Variants in EHMT1 observed in about 807,000 individuals in gnomAD.
EHMT1 encodes euchromatic histone lysine methyltransferase 1, also known as histone-lysine N-methyltransferase EHMT1.
EHMT1 carries 15 observed loss-of-function variants against 147.2 expected under a neutral mutation model. That is an observed-to-expected ratio of 0.10 (90% CI 0.07 to 0.16). The LOEUF (loss-of-function observed/expected upper bound fraction) is 0.16, where lower values mean the gene tolerates loss of function less well. Ranked by LOEUF, EHMT1 falls within the 10% of genes least tolerant of loss-of-function variation. The pLI is 1.00. For missense variants in EHMT1, 1,587 were observed against 1,772.4 expected, an observed-to-expected ratio of 0.90 and a Z score of 1.88; for synonymous variants, 795 against 709.6, an observed-to-expected ratio of 1.12 and a Z score of -1.91.
At chr9:137,673,892 A>G (rs184192460) in intron 1 of EHMT1, among the ~76,000 whole-genome samples, 2 of 152,328 alleles carry the variant, frequency 1.3e-5, no homozygotes, top group Admixed American at 6.5e-5. Context: ...AGCCAATACT[A>G]GCAGGACCTG....
Position 137,717,192 on chromosome 9 carries a change from T to G in EHMT1, c.642+10T>G. 1 of 1,610,994 alleles carries G rather than the reference T, an allele frequency of 6.2e-7. No individual in the cohort carries two copies. The highest frequency in any genetic ancestry group is 1.1e-5 in the South Asian group (1 of 91,066). On this transcript the variant is annotated intron_variant, in intron 3 of 26. Transcript: ENST00000460843. Reference sequence around the variant, plus strand: ...GTCCGTCGTGGGCCTGGTAATTTTGTGTCTTCTCTTGCTGTTTCCTTTTTC... The same window carrying G: ...GTCCGTCGTGGGCCTGGTAATTTTGGGTCTTCTCTTGCTGTTTCCTTTTTC...
chr9:137,786,915 G>C lies in EHMT1; in HGVS notation c.2383-3933G>C, dbSNP rs1039123524. ...AGGCTGGGGAGTGGCTCCGAGGATC[G>C]GTCACGGAGCCTCCTGGGTGTCCGA... On this transcript the variant is annotated intron_variant, in intron 15 of 26. Transcript: ENST00000460843. This position sits in a 1 kb window ranked among gnomAD's most constrained non-coding sequence, Gnocchi z 4.3. 6.6e-6 allele frequency: 1 copy of C among 152,326 alleles called. No homozygotes were observed. The highest frequency in any genetic ancestry group is 1.5e-5 in the Non-Finnish European group (1 of 68,168). The allele number at this position is 152,326 out of a possible 1,614,324, so 9.4% of individuals were successfully genotyped here.
intron 4 of EHMT1, among the ~76,000 whole-genome samples, chr9:137,729,360 G>A (rs1483766859): frequency 2.0e-5 from 3 of 152,162 alleles, no homozygotes; most frequent in African/African-American, 7.2e-5. Context: ...AGGCCAAGGC[G>A]GGTGGATCAC....
intron 18 of EHMT1, among the ~76,000 whole-genome samples, chr9:137,804,864 C>A (rs1192543892): frequency 6.6e-6 from 1 of 152,176 alleles, no homozygotes; most frequent in African/African-American, 2.4e-5. Context: ...GTACCATTGC[C>A]AAAAGCCAGT....
At chr9:137,664,416 C>T (rs1939413179) in intron 1 of EHMT1, among the ~76,000 whole-genome samples, 1 of 151,776 alleles carries the variant, frequency 6.6e-6, no homozygotes, top group South Asian at 2.1e-4. Context: ...CCCTCCACCA[C>T]ACTCGGCTAA....
rs187501332 is a variant in EHMT1 at position 137,634,610 on chromosome 9, C to G, written c.21+15561C>G. On this transcript the variant is annotated intron_variant, in intron 1 of 26. Coordinates refer to ENST00000460843, the MANE Select transcript of EHMT1 (RefSeq NM_024757.5). ...TGATTGGGTCCCTTGCATTTTCTTT[C>G]ATTTCTTTTCTTTTCTTTTCTTTTC... Among the ~76,000 whole-genome samples, 6 of 149,744 alleles carry G rather than the reference C, an allele frequency of 4.0e-5. No individual in the cohort carries two copies. The East Asian group carries it at 1.2e-3, about 29-fold the overall frequency.
intron 9 of EHMT1, among the ~76,000 whole-genome samples, chr9:137,758,825 A>G (rs1949577014): frequency 6.6e-6 from 1 of 152,134 alleles, no homozygotes; most frequent in Admixed American, 6.5e-5. Context: ...TTAGCTTAAG[A>G]TAGAAATCTT....
chr9:137,687,538 T>G (rs932498808), intron 1 of EHMT1, among the ~76,000 whole-genome samples: 3 of 152,062 alleles, frequency 2.0e-5, no homozygotes, highest in African/African-American at 4.8e-5. Flanking sequence ...GCCTGAGTGT[T>G]TGTGTTCCCC....
intron 4 of EHMT1, among the ~76,000 whole-genome samples, chr9:137,729,856 C>T (rs564248881): frequency 1.4e-4 from 21 of 152,288 alleles, no homozygotes; most frequent in Admixed American, 2.6e-4. Context: ...ACAGACATCC[C>T]GGTGAGGAAG....
intron 1 of EHMT1, among the ~76,000 whole-genome samples, chr9:137,679,652 T>A (rs184865338): frequency 7.9e-5 from 12 of 152,348 alleles, no homozygotes; most frequent in South Asian, 4.1e-4. Context: ...TTGTCTTTTT[T>A]AAAAAACTGA....
At chr9:137,710,745 C>T (rs1944630187) in intron 1 of EHMT1, among the ~76,000 whole-genome samples, 1 of 152,148 alleles carries the variant, frequency 6.6e-6, no homozygotes, top group South Asian at 2.1e-4. Flanking sequence ...AAGAAACTGT[C>T]TTCAAAAATA....
At chr9:137,651,281 G>A (rs908599376) in intron 1 of EHMT1, among the ~76,000 whole-genome samples, 3 of 152,068 alleles carry the variant, frequency 2.0e-5, no homozygotes, top group African/African-American at 7.2e-5. Context: ...TTATCCCTTT[G>A]TTCTTTGTTG....
chr9:137,763,284 C>T (rs1207081367), intron 10 of EHMT1: 2 of 273,100 alleles, frequency 7.3e-6, no homozygotes, highest in Admixed American at 9.6e-5. Flanking sequence ...CGTCCCGTCT[C>T]TGCTGCCTCT....
chr9:137,767,050 TG>T (rs1388987779), intron 10 of EHMT1, among the ~76,000 whole-genome samples: 1 of 152,200 alleles, frequency 6.6e-6, no homozygotes, highest in Non-Finnish European at 1.5e-5. Flanking sequence ...CTCGAACTTC[TG>T]GGCTCAAGCT....
intron 15 of EHMT1, chr9:137,788,054 C>T (rs542869816): frequency 3.1e-5 from 42 of 1,366,744 alleles, no homozygotes; most frequent in Middle Eastern, 5.0e-4. Flanking sequence ...TGATGGCTCC[C>T]GCTGGCAAAG....
chr9:137,793,685 A>G (rs1952692836), intron 16 of EHMT1, among the ~76,000 whole-genome samples: 1 of 152,248 alleles, frequency 6.6e-6, no homozygotes, highest in Admixed American at 6.5e-5. Flanking sequence ...CAGTCCATCC[A>G]TACGATGGGA....
intron 25 of EHMT1, among the ~76,000 whole-genome samples, chr9:137,821,982 T>TTC (rs1955454614): frequency 6.6e-6 from 1 of 152,224 alleles, no homozygotes; most frequent in African/African-American, 2.4e-5. Flanking sequence ...ACAAACTACT[T>TTC]TCAAGTATAT....
At chr9:137,633,971 G>T (rs1843798387) in intron 1 of EHMT1, among the ~76,000 whole-genome samples, 1 of 151,908 alleles carries the variant, frequency 6.6e-6, no homozygotes, top group African/African-American at 2.4e-5. Flanking sequence ...GCACCAGCAC[G>T]CCGGCTTATT....
At chr9:137,753,986 A>G (rs1308186520) in intron 7 of EHMT1, among the ~76,000 whole-genome samples, 185 bp from the exon 8 acceptor site, 1 of 152,230 alleles carries the variant, frequency 6.6e-6, no homozygotes, top group Admixed American at 6.5e-5. Context: ...TGAGAGAGTT[A>G]GGGAAAAGCG....
Sources: allele counts gnomAD v4.1 joint callset (sites outside exome capture counted in the v4.1 genomes callset), GRCh38; gene constraint gnomAD v4.1.1; non-coding constraint Gnocchi (gnomAD v3.1); transcripts MANE v1.5; gene names NCBI Gene and HGNC (gene_info 2026-07-23, HGNC 2026-07-21).